KDM7A: variants seen among roughly 807,000 people sequenced by gnomAD.
KDM7A encodes lysine-specific demethylase 7A.
Under a neutral mutation model 114.8 loss-of-function variants are expected in KDM7A, and 28 were observed. That is an observed-to-expected ratio of 0.24 (90% CI 0.18 to 0.33). KDM7A has a LOEUF of 0.33. KDM7A is among the 10% of genes least tolerant of loss of function. The pLI, the probability that KDM7A is intolerant of heterozygous loss-of-function variation, is 1.00. For missense variants in KDM7A, 942 were observed against 1,142.5 expected (o/e 0.82, Z 2.53); for synonymous variants, 423 against 397.8 (o/e 1.06, Z -0.75).
chr7:140,167,121 A>G (rs1049414600), intron 1 of KDM7A, among the ~76,000 whole-genome samples: 3 of 152,184 alleles, frequency 2.0e-5, no homozygotes, highest in African/African-American at 7.2e-5. Flanking sequence ...TAAAATAAAT[A>G]AAAGAGGTAA....
At chr7:140,169,437 C>T (rs1794614020) in intron 1 of KDM7A, among the ~76,000 whole-genome samples, 1 of 152,122 alleles carries the variant, frequency 6.6e-6, no homozygotes, top group Admixed American at 6.6e-5. Context: ...GCATTCCTCC[C>T]CTTGGATGAT....
intron 1 of KDM7A, among the ~76,000 whole-genome samples, chr7:140,174,199 C>T (rs1794676557): frequency 6.6e-6 from 1 of 151,460 alleles, no homozygotes; most frequent in South Asian, 2.1e-4. Flanking sequence ...AAGAATTAAA[C>T]TTAATAAAAA....
In KDM7A at chr7:140,139,142, G is replaced by A. The variant is rs771138996; in HGVS notation, c.243C>T (p.His81=). ...EHHAVDIDLY[H]CPNCAVLHGS... ...CATGTAAAACTGCACAGTTGGGACA[G>A]TGATACAGGTCAATGTCAACAGCAT... Residue 81 remains histidine, a synonymous_variant, in exon 2 of 20, where the codon CAC becomes CAT. Coordinates refer to ENST00000397560, the MANE Select transcript of KDM7A (RefSeq NM_030647.2). 2 of 1,613,282 alleles carry A rather than the reference G, an allele frequency of 1.2e-6. No homozygotes were observed. The highest frequency in any genetic ancestry group is 4.5e-5 in the East Asian group (2 of 44,826).
chr7:140,115,173 T>C lies in KDM7A; in HGVS notation c.1247-1591A>G, dbSNP rs377074725. 3.0e-3 allele frequency among the ~76,000 whole-genome samples: 427 copies of C among 143,606 alleles called. 17 individuals carry two copies. In the East Asian group the frequency reaches 0.078, roughly 26 times the overall value. 94.2% of individuals were successfully genotyped at this position (143,606 alleles called of 152,430 possible). On this transcript the variant is annotated intron_variant, in intron 9 of 19. Transcript: ENST00000397560. ...CCAGCTGCCCCATCAGGGAGGGAGG[T>C]GGGGGGCAGCCCCCACCCAGCCAGC...
At position 140,135,037 on chromosome 7, in the gene KDM7A, TAAA is replaced by T. The variant is rs58259207; in HGVS notation, c.281-1384_281-1382del. On this transcript the variant is annotated intron_variant, in intron 2 of 19. Transcript: ENST00000397560. The stretch of plus-strand genomic sequence containing the variant: ...CAATATGGAAGAGCGTAAGTCCCAT[TAAA>T]AAAAAAAAAAAACAAACTCACAAAA... 3.2e-3 allele frequency among the ~76,000 whole-genome samples: 413 copies of T among 127,418 alleles called. 3 individuals are homozygous for T. Among genetic ancestry groups the T allele is most frequent in the African/African-American group, 0.011 (388 of 36,334 alleles). The allele number at this position is 127,418 out of a possible 152,430, so 83.6% of individuals were successfully genotyped here.
intron 7 of KDM7A, among the ~76,000 whole-genome samples, chr7:140,121,125 CTG>C (rs1471552077): frequency 6.6e-6 from 1 of 152,108 alleles, no homozygotes; most frequent in African/African-American, 2.4e-5. Context: ...AGACCTGACT[CTG>C]TAGAAGGAAA....
rs780765390 is a variant in KDM7A at position 140,097,553 on chromosome 7, T to C, written c.2008A>G (p.Thr670Ala). ...TGGGGTCTCAGGCGTACCAGTGCAG[T>C]GCACTCGGGTCCGGAGTCTTCTGAC... ...SESEDSGPEC[T>A]ALKSIFTTEE... Residue 670 changes from threonine (T) to alanine (A), a missense_variant, in exon 15 of 20, where the codon ACT becomes GCT. By Grantham distance (58) the Thr-to-Ala change is moderately conservative. This residue lies in a region of KDM7A where 512 missense variants were observed against 576.6 expected (regional missense o/e 0.89). Transcript: ENST00000397560. 2.7e-5 allele frequency: 43 copies of C among 1,574,794 alleles called. No homozygotes were observed. The highest frequency in any genetic ancestry group is 3.4e-5 in the Non-Finnish European group (39 of 1,144,774).
intron 3 of KDM7A, among the ~76,000 whole-genome samples, chr7:140,133,127 A>G (rs754082828): frequency 6.6e-6 from 1 of 152,246 alleles, no homozygotes; most frequent in African/African-American, 2.4e-5. Context: ...AGAGATGCAT[A>G]TAAAAGCAAT....
At chr7:140,119,557 T>C (rs1818585901) in intron 8 of KDM7A, among the ~76,000 whole-genome samples, 1 of 152,180 alleles carries the variant, frequency 6.6e-6, no homozygotes, top group Non-Finnish European at 1.5e-5. Context: ...CTCTATGTGT[T>C]AGACAACAGT....
intron 18 of KDM7A, 47 bp downstream of exon 18, chr7:140,094,009 A>T: frequency 9.0e-7 from 1 of 1,116,564 alleles, no homozygotes; most frequent in Non-Finnish European, 1.4e-6. Flanking sequence ...AAACAACGTT[A>T]ATGATCATTT....
At chr7:140,104,028 T>C (rs949471829) in intron 11 of KDM7A, among the ~76,000 whole-genome samples, 18 of 152,230 alleles carry the variant, frequency 1.2e-4, no homozygotes, top group Admixed American at 7.2e-4. Context: ...TGGTATCTCA[T>C]TGTGGTTTTG....
chr7:140,162,286 G>C (rs1258618694), intron 1 of KDM7A, among the ~76,000 whole-genome samples: 1 of 150,598 alleles, frequency 6.6e-6, no homozygotes, highest in East Asian at 1.9e-4. Flanking sequence ...GGTGAGCCAA[G>C]ATTGCGCCAT....
chr7:140,144,789 T>C (rs915236873), intron 1 of KDM7A, among the ~76,000 whole-genome samples: 19 of 151,742 alleles, frequency 1.3e-4, no homozygotes, highest in African/African-American at 3.4e-4. Context: ...CCGGTGTGAA[T>C]TGTTTGGGTC....
chr7:140,165,208 T>A (rs1375952696), intron 1 of KDM7A, among the ~76,000 whole-genome samples: 2 of 152,206 alleles, frequency 1.3e-5, no homozygotes, highest in African/African-American at 4.8e-5. Flanking sequence ...TTATATACAT[T>A]TACCTGCTCA....
intron 1 of KDM7A, among the ~76,000 whole-genome samples, chr7:140,161,766 G>T (rs1381956410): frequency 6.6e-6 from 1 of 151,678 alleles, no homozygotes; most frequent in African/African-American, 2.4e-5. Flanking sequence ...GGATGGTCTC[G>T]ATCTCCTGAC....
At chr7:140,130,789 C>G (rs569627524) in intron 3 of KDM7A, among the ~76,000 whole-genome samples, 19 of 150,862 alleles carry the variant, frequency 1.3e-4, no homozygotes, top group African/African-American at 4.6e-4. Flanking sequence ...GACAAGTGTC[C>G]AAAATGCTCC....
chr7:140,096,766 AAAG>A lies in KDM7A; in HGVS notation c.2166-6_2166-4del, dbSNP rs1490975578. ...TGCTCGTCGAGGTAGGACATTCCCT[AAAG>A]AAGAGATGATCCAAAAACACAAGAG... On this transcript the variant is annotated splice_polypyrimidine_tract_variant and splice_region_variant and intron_variant, in intron 16 of 19. Coordinates refer to ENST00000397560, the MANE Select transcript of KDM7A (RefSeq NM_030647.2). 1 of 1,612,302 alleles carries A rather than the reference AAAG, an allele frequency of 6.2e-7. No homozygotes were observed. The highest frequency in any genetic ancestry group is 8.5e-7 in the Non-Finnish European group (1 of 1,178,976).
At chr7:140,171,561 T>G (rs900402004) in intron 1 of KDM7A, among the ~76,000 whole-genome samples, 2 of 113,570 alleles carry the variant, frequency 1.8e-5, no homozygotes, top group Non-Finnish European at 3.8e-5. Flanking sequence ...ATATTTATTT[T>G]TATATATTTA....
At chr7:140,151,285 G>A (rs960127826) in intron 1 of KDM7A, among the ~76,000 whole-genome samples, 14 of 152,136 alleles carry the variant, frequency 9.2e-5, no homozygotes, top group African/African-American at 2.4e-4. Context: ...TGAAAGCTTC[G>A]TTGGACTTTA....
Sources: gnomAD v4.1 joint callset for allele counts (sites outside exome capture counted in the v4.1 genomes callset) on GRCh38, gnomAD v4.1.1 for gene constraint, gnomAD v4.1.1 regional missense constraint, MANE v1.5 for transcripts, NCBI Gene and HGNC (gene_info 2026-07-23, HGNC 2026-07-21) for gene names.